The following PRSS23 variants were observed in gnomAD, a reference collection of about 807,000 sequenced individuals.
PRSS23 encodes the protein serine protease 23.
In PRSS23, 25 loss-of-function variants were observed where a neutral mutation model predicts 34.7. That is an observed-to-expected ratio of 0.72 (90% CI 0.53 to 1.01). The LOEUF is 1.01. Among genes scored for constraint, PRSS23 ranks in the 50% least tolerant of loss-of-function variants. The pLI is 0.00. For missense variants in PRSS23, 445 were observed against 475.6 expected, an observed-to-expected ratio of 0.94 and a Z score of 0.60; for synonymous variants, 176 against 186.6, an observed-to-expected ratio of 0.94 and a Z score of 0.46.
intron 2 of PRSS23, among the ~76,000 whole-genome samples, chr11:86,860,043 T>A (rs994907746): frequency 1.3e-5 from 2 of 151,988 alleles, no homozygotes; most frequent in African/African-American, 4.8e-5. Flanking sequence ...AGGATAATAT[T>A]ACTTTCAATA....
At chr11:86,820,980 T>C (rs1363618125) in intron 1 of PRSS23, among the ~76,000 whole-genome samples, 1 of 152,200 alleles carries the variant, frequency 6.6e-6, no homozygotes, top group African/African-American at 2.4e-5. Flanking sequence ...ATGAATAACT[T>C]AAAAAGTATT....
chr11:86,901,923 T>G (rs1221809574), intron 2 of PRSS23, among the ~76,000 whole-genome samples: 1 of 152,116 alleles, frequency 6.6e-6, no homozygotes, highest in African/African-American at 2.4e-5. Flanking sequence ...AGGGTACTTC[T>G]GGGGGAAAAT....
chr11:86,910,704 C>T (rs1285712711), intron 2 of PRSS23: 1 of 152,140 alleles, frequency 6.6e-6, no homozygotes, highest in Non-Finnish European at 1.5e-5. Flanking sequence ...TCTCCATCCA[C>T]TTCCTCTCTA....
intron 2 of PRSS23, among the ~76,000 whole-genome samples, chr11:86,834,516 C>T (rs1948387465): frequency 7.3e-6 from 1 of 136,150 alleles, no homozygotes; most frequent in Non-Finnish European, 1.5e-5. Flanking sequence ...TTTTCCTTTC[C>T]TTTCCTTTCC....
At chr11:86,827,021 G>A (rs1193801288) in intron 2 of PRSS23, among the ~76,000 whole-genome samples, 14 of 152,106 alleles carry the variant, frequency 9.2e-5, no homozygotes, top group Non-Finnish European at 1.9e-4. Flanking sequence ...ATGAGTTAGG[G>A]AGGATTCCCT....
Position 86,808,536 on chromosome 11 carries a change from A to G in PRSS23, c.893A>G (p.Lys298Arg), listed in dbSNP as rs1948136436. 4 of 1,614,120 alleles carry G rather than the reference A, an allele frequency of 2.5e-6. No individual in the cohort carries two copies. The highest frequency in any genetic ancestry group is 3.4e-6 in the Non-Finnish European group (4 of 1,180,056). The change falls in exon 2 of 2, where the codon AAA (lysine) becomes AGA (arginine). Residue 298 changes from lysine (K) to arginine (R), a missense_variant. By Grantham distance (26) the Lys-to-Arg change is conservative. Coordinates refer to ENST00000280258, the MANE Select transcript of PRSS23 (RefSeq NM_007173.6). ...GNLVYRFCDVKDETYDLLYQQ... is the reference protein window; with the variant it reads ...GNLVYRFCDVRDETYDLLYQQ... ...TTGGTGTATCGCTTCTGTGACGTCA[A>G]AGACGAGACCTATGACTTGCTCTAC...
intron 2 of PRSS23, among the ~76,000 whole-genome samples, chr11:86,846,627 A>G (rs1221672234): frequency 1.3e-5 from 2 of 152,206 alleles, no homozygotes; most frequent in Non-Finnish European, 2.9e-5. Flanking sequence ...TGAGCATGAG[A>G]CAGCCACATC....
intron 2 of PRSS23, among the ~76,000 whole-genome samples, chr11:86,835,981 C>T (rs978371082): frequency 2.6e-5 from 4 of 152,212 alleles, no homozygotes; most frequent in South Asian, 2.1e-4. Flanking sequence ...TAAAACAGTC[C>T]AGGTGAGTTG....
intron 2 of PRSS23, among the ~76,000 whole-genome samples, chr11:86,832,065 G>T (rs1217249934): frequency 6.6e-6 from 1 of 151,990 alleles, no homozygotes; most frequent in African/African-American, 2.4e-5. Flanking sequence ...TGTCACAGGG[G>T]ATGTATGCCA....
chr11:86,835,571 A>G (rs1299667532), intron 2 of PRSS23, among the ~76,000 whole-genome samples: 2 of 152,160 alleles, frequency 1.3e-5, no homozygotes, highest in Admixed American at 6.5e-5. Flanking sequence ...AGTGTATATA[A>G]TGGTCTGGCT....
chr11:86,916,012 A>G (rs1446141974), intron 2 of PRSS23, among the ~76,000 whole-genome samples: 2 of 152,186 alleles, frequency 1.3e-5, no homozygotes, highest in Admixed American at 1.3e-4. Flanking sequence ...CCGAGATCAC[A>G]CCACTGCATT....
intron 2 of PRSS23, chr11:86,857,606 A>G: frequency 1.9e-6 from 1 of 513,090 alleles, no homozygotes; most frequent in South Asian, 1.5e-5. Context: ...ATTCATGATG[A>G]CTCGGTAGTG....
At chr11:86,843,416 C>A (rs549025372) in intron 2 of PRSS23, among the ~76,000 whole-genome samples, 14 of 152,270 alleles carry the variant, frequency 9.2e-5, no homozygotes, top group Non-Finnish European at 1.8e-4. Context: ...CCAAAATAGA[C>A]AAATGGGATT....
At chr11:86,901,151 A>T (rs1948909496) in intron 2 of PRSS23, among the ~76,000 whole-genome samples, 1 of 152,048 alleles carries the variant, frequency 6.6e-6, no homozygotes, top group Admixed American at 6.6e-5. Context: ...ACTATTGTAC[A>T]TTCATAACAG....
At chr11:86,910,181 G>A (rs2134992608) in intron 2 of PRSS23, 1 of 152,310 alleles carries the variant, frequency 6.6e-6, no homozygotes, top group Admixed American at 6.5e-5. Context: ...GATTGCTCCT[G>A]TAAGATCTGC....
exon 3 of PRSS23, chr11:86,952,223 C>T (rs780500837): frequency 1.9e-6 from 3 of 1,613,976 alleles, no homozygotes; most frequent in African/African-American, 1.3e-5. Context: ...ACACTCTTCC[C>T]CAGGCTGGAT....
intron 2 of PRSS23, among the ~76,000 whole-genome samples, chr11:86,940,327 C>T (rs930659388): frequency 6.6e-6 from 1 of 152,176 alleles, no homozygotes; most frequent in East Asian, 1.9e-4. Context: ...GCAGAGCAAA[C>T]AGAAACTCCT....
upstream of PRSS23, among the ~76,000 whole-genome samples, chr11:86,798,175 A>T (rs1030800355): frequency 1.3e-5 from 2 of 152,134 alleles, no homozygotes; most frequent in South Asian, 2.1e-4. Flanking sequence ...TGTTTCTTCA[A>T]TTGGGAGCTA....
At chr11:86,948,556 T>G (rs1949263499) in intron 2 of PRSS23, 1 of 152,176 alleles carries the variant, frequency 6.6e-6, no homozygotes, top group Non-Finnish European at 1.5e-5. Flanking sequence ...CTAAGGCTAC[T>G]AATCCAAATG....
Sources: allele counts gnomAD v4.1 joint callset (sites outside exome capture counted in the v4.1 genomes callset), GRCh38; gene constraint gnomAD v4.1.1; transcripts MANE v1.5; gene names NCBI Gene and HGNC (gene_info 2026-07-23, HGNC 2026-07-21).